PDHA1: variants seen among roughly 807,000 people sequenced by gnomAD.
PDHA1 encodes pyruvate dehydrogenase E1 subunit alpha 1, also known as pyruvate dehydrogenase E1 component subunit alpha, somatic form, mitochondrial.
A neutral mutation model predicts 33.0 loss-of-function variants in PDHA1; 1 was observed. The ratio of observed to expected loss-of-function variants is 0.03; its 90% CI spans 0.01 to 0.14. The LOEUF (loss-of-function observed/expected upper bound fraction) is 0.14. Among genes scored for constraint, PDHA1 ranks in the 10% least tolerant of loss-of-function variants. The pLI, the probability that PDHA1 is intolerant of heterozygous loss-of-function variation, is 1.00. For synonymous variants in PDHA1, 123 were observed against 119.2 expected (o/e 1.03, Z -0.21); for missense variants, 168 against 325.1 (o/e 0.52, Z 3.72).
In PDHA1 at chrX:19,357,641, T is replaced by A; in HGVS notation, c.832-11T>A. On this transcript the variant is annotated splice_polypyrimidine_tract_variant and intron_variant, in intron 8 of 10. Coordinates refer to ENST00000422285, the MANE Select transcript of PDHA1 (RefSeq NM_000284.4). The stretch of plus-strand genomic sequence containing the variant: ...TCCTAACTAACTAACTGCCTACCGG[T>A]TCTGTTTTAGGGGCCCATCCTGATG... The A allele has an allele frequency of 8.3e-7, 1 of 1,200,629 alleles. No homozygotes were observed. The highest frequency in any genetic ancestry group is 1.1e-6 in the Non-Finnish European group (1 of 885,521).
intron 2 of PDHA1, 101 bp downstream of exon 2, chrX:19,349,472 C>T: frequency 1.8e-6 from 1 of 562,627 alleles, no homozygotes; most frequent in Non-Finnish European, 3.0e-6. Flanking sequence ...GCTTAGTCAT[C>T]ATTTTCTTCT....
intron 9 of PDHA1, among the ~76,000 whole-genome samples, 191 bp downstream of exon 9, chrX:19,357,910 G>GTATAGTGTGTGTGAGCACA (rs1219560568): frequency 1.8e-5 from 2 of 112,595 alleles, no homozygotes; most frequent in Admixed American, 1.9e-4. Flanking sequence ...TGCCTACAGT[G>GTATAGTGTGTGTGAGCACA]TATAGTGTGT....
intron 8 of PDHA1, among the ~76,000 whole-genome samples, chrX:19,356,337 C>G (rs944258764): frequency 1.8e-5 from 2 of 111,363 alleles, no homozygotes; most frequent in African/African-American, 6.5e-5. Flanking sequence ...AATCAGTGTT[C>G]TACAGCCCAG....
intron 8 of PDHA1, 56 bp from the exon 9 acceptor site, chrX:19,357,596 C>T: frequency 2.0e-6 from 2 of 998,043 alleles, no homozygotes. Context: ...GGATTGCCGG[C>T]CTGTTCTTCC....
chrX:19,356,664 G>A (rs2063202369), intron 8 of PDHA1, among the ~76,000 whole-genome samples: 1 of 110,318 alleles, frequency 9.1e-6, no homozygotes, highest in African/African-American at 3.3e-5. Context: ...GCCCTGGCTG[G>A]AGACAAGGGG....
At chrX:19,351,443 G>A in intron 4 of PDHA1, 36 bp downstream of exon 4, 2 of 1,127,238 alleles carry the variant, frequency 1.8e-6, no homozygotes. Flanking sequence ...GAAATGAGTG[G>A]ATTAAGTTTT....
At chrX:19,357,162 C>T (rs1044673089) in intron 8 of PDHA1, among the ~76,000 whole-genome samples, 2 of 112,329 alleles carry the variant, frequency 1.8e-5, no homozygotes, top group African/African-American at 6.5e-5. Flanking sequence ...GGGTCTCGCG[C>T]AGTGGCACAC....
In PDHA1 at chrX:19,353,760, C is replaced by T. The variant is rs917576112; in HGVS notation, c.510+587C>T. 7.4e-4 allele frequency among the ~76,000 whole-genome samples: 82 copies of T among 110,910 alleles called. 2 individuals are homozygous for T. Among genetic ancestry groups the T allele is most frequent in the South Asian group, 3.8e-4 (1 of 2,643 alleles). On this transcript the variant is annotated intron_variant, in intron 5 of 10. Transcript: ENST00000422285. ...TAAGCAGGAACCTCTAGCAGTGGAG[C>T]CATACCTTCCCCTTCCTATTTATAT...
Position 19,359,793 on chromosome X carries a change from G to A in PDHA1, c.*140G>A, listed in dbSNP as rs748123688. On this transcript the variant is annotated 3_prime_UTR_variant, in exon 11 of 11. Coordinates refer to ENST00000422285, the MANE Select transcript of PDHA1 (RefSeq NM_000284.4). ...ATTAAGTGTGTAGATTGAGCAGGTA[G>A]TAATTGCATGCAGTTTGTACATTAG... 26 of 546,125 alleles carry A rather than the reference G, an allele frequency of 4.8e-5. No homozygotes were observed. The African/African-American group carries it at 5.2e-4, about 11-fold the overall frequency. 45.0% of individuals were successfully genotyped at this position (546,125 alleles called of 1,213,427 possible).
At chrX:19,355,574 C>A (rs999399233) in intron 7 of PDHA1, 70 bp downstream of exon 7, 5 of 1,164,644 alleles carry the variant, frequency 4.3e-6, no homozygotes, top group Non-Finnish European at 4.7e-6. Context: ...AGACCCTTGA[C>A]GATCTTAGAA....
chrX:19,347,164 G>A (rs112219098), intron 1 of PDHA1, among the ~76,000 whole-genome samples: 1,684 of 111,024 alleles, frequency 0.015, 33 homozygotes, highest in African/African-American at 0.052. Context: ...AAAGTGCTGG[G>A]GATTATAGGT....
At chrX:19,353,872 C>T (rs1453941433) in intron 5 of PDHA1, among the ~76,000 whole-genome samples, 6 of 111,677 alleles carry the variant, frequency 5.4e-5, no homozygotes, top group African/African-American at 2.0e-4. Context: ...ATTAACAGCA[C>T]AAAATTATAT....
At chrX:19,353,990 C>G (rs958900351) in intron 5 of PDHA1, among the ~76,000 whole-genome samples, 9 of 111,150 alleles carry the variant, frequency 8.1e-5, no homozygotes, top group African/African-American at 9.8e-5. Flanking sequence ...GCTCAGCCGC[C>G]CAGGCTGGAG....
rs2063250219 is a variant in PDHA1, at chrX:19,359,694, G to C, written c.*41G>C. ...AGGTTATACCTTCAGGGGGCTACCA[G>C]ACAGTGTTCTCAACTTGGTTAAGGA... On this transcript the variant is annotated 3_prime_UTR_variant, in exon 11 of 11. Coordinates refer to ENST00000422285, the MANE Select transcript of PDHA1 (RefSeq NM_000284.4). 3 of 1,123,345 alleles carry C rather than the reference G, an allele frequency of 2.7e-6. No individual in the cohort carries two copies. The highest frequency in any genetic ancestry group is 3.7e-6 in the Non-Finnish European group (3 of 815,358). The allele number at this position is 1,123,345 out of a possible 1,213,427, so 92.6% of individuals were successfully genotyped here. A position where few individuals can be genotyped will look rare whatever the true frequency, so the allele number is the denominator to read the frequency against.
At chrX:19,346,493 A>AT (rs2063134900) in intron 1 of PDHA1, 8 of 444,542 alleles carry the variant, frequency 1.8e-5, no homozygotes, top group South Asian at 7.8e-5. Context: ...CAATTAAAAA[A>AT]ATTTTTTTTT....
rs1376758912 is a variant in PDHA1 at position 19,359,636 on chromosome X, T to TTTAAGTCAGTCAGTTAA, written c.1157_1173dup. On this transcript the variant is annotated stop_gained and frameshift_variant, in exon 11 of 11. Coordinates refer to ENST00000422285, the MANE Select transcript of PDHA1 (RefSeq NM_000284.4). LOFTEE classifies it high-confidence loss of function. Reference sequence around the variant, plus strand: ...TCGTGGTGCCAATCAGTGGATCAAGTTTAAGTCAGTCAGTTAAGGGGAGGA... The same window carrying TTTAAGTCAGTCAGTTAA: ...TCGTGGTGCCAATCAGTGGATCAAGTTTAAGTCAGTCAGTTAATTAAGTCAGTCAGTTAAGGGGAGGA... The TTTAAGTCAGTCAGTTAA allele has an allele frequency of 4.1e-6, 5 of 1,208,440 alleles. No homozygotes were observed. Among genetic ancestry groups the TTTAAGTCAGTCAGTTAA allele is most frequent in the Non-Finnish European group, 5.6e-6 (5 of 894,334 alleles).
chrX:19,353,377 G>C, intron 5 of PDHA1: 2 of 466,224 alleles, frequency 4.3e-6, no homozygotes, highest in Non-Finnish European at 7.7e-6. Flanking sequence ...TGATGTTGTA[G>C]TGGCACAACA....
chrX:19,358,409 T>C (rs2063221594), intron 9 of PDHA1, among the ~76,000 whole-genome samples: 1 of 111,827 alleles, frequency 8.9e-6, no homozygotes, highest in Non-Finnish European at 1.9e-5. Context: ...TACATTGGTT[T>C]TGCTGGCTGT....
chrX:19,354,378 C>T, intron 5 of PDHA1, 113 bp from the exon 6 acceptor site: 1 of 554,245 alleles, frequency 1.8e-6, no homozygotes. Flanking sequence ...GAGTTTGTAG[C>T]AGCAGTGTAA....
Sources: gnomAD v4.1 joint callset for allele counts (sites outside exome capture counted in the v4.1 genomes callset) on GRCh38, gnomAD v4.1.1 for gene constraint, MANE v1.5 for transcripts, NCBI Gene and HGNC (gene_info 2026-07-23, HGNC 2026-07-21) for gene names.